Variants in TMEM87A observed in about 807,000 individuals in gnomAD.
TMEM87A encodes the protein Golgi-pH regulating cation channel.
TMEM87A carries 50 observed loss-of-function variants against 90.0 expected under a neutral mutation model. That is an observed-to-expected ratio of 0.56 (90% confidence interval 0.44 to 0.70). The LOEUF (loss-of-function observed/expected upper bound fraction) is 0.70, where lower values mean the gene tolerates loss of function less well. Ranked by LOEUF, TMEM87A falls within the 30% of genes least tolerant of loss-of-function variation. The pLI is 0.00. For missense variants in TMEM87A, 577 were observed against 660.5 expected (o/e 0.87, Z 1.39); for synonymous variants, 226 against 226.7 (o/e 1.00, Z 0.03).
intron 12 of TMEM87A, 114 bp from the exon 13 acceptor site, chr15:42,228,934 AG>A: frequency 1.6e-6 from 1 of 641,928 alleles, no homozygotes; most frequent in Non-Finnish European, 2.7e-6. Flanking sequence ...GATCTCTCAG[AG>A]GCCTTATAGC....
At chr15:42,254,682 T>C (rs1566937385) in intron 6 of TMEM87A, among the ~76,000 whole-genome samples, 1 of 152,120 alleles carries the variant, frequency 6.6e-6, no homozygotes, top group Non-Finnish European at 1.5e-5. Context: ...AAAAGATCAA[T>C]GATTGCCAGG....
chr15:42,241,513 C>A (rs1255900072), intron 7 of TMEM87A, among the ~76,000 whole-genome samples: 1 of 152,104 alleles, frequency 6.6e-6, no homozygotes, highest in Non-Finnish European at 1.5e-5. Context: ...TGACATAAGG[C>A]AGCAAAAGGT....
rs1371694052 is a variant in TMEM87A at position 42,210,472 on chromosome 15, A to T, written c.*1236T>A. 6.6e-6 allele frequency: 1 copy of T among 152,220 alleles called. No individual in the cohort carries two copies. The highest frequency in any genetic ancestry group is 1.5e-5 in the Non-Finnish European group (1 of 68,032). 9.4% of individuals were successfully genotyped at this position (152,220 alleles called of 1,614,324 possible). ...TAAAAGCCATAGAAAGAAATTTTTC[A>T]TGAGTTTGACAGAAAGAGTCTTTAG... On this transcript the variant is annotated 3_prime_UTR_variant, in exon 20 of 20. Transcript: ENST00000389834.
At chr15:42,243,955 T>A in intron 7 of TMEM87A, 95 bp downstream of exon 7, 2 of 652,850 alleles carry the variant, frequency 3.1e-6, no homozygotes, top group East Asian at 6.1e-5. Flanking sequence ...AATAGAAATC[T>A]GATACCTGTA....
intron 15 of TMEM87A, among the ~76,000 whole-genome samples, chr15:42,221,128 G>C (rs2050473235): frequency 6.6e-6 from 1 of 152,134 alleles, no homozygotes; most frequent in South Asian, 2.1e-4. Flanking sequence ...ACCGCGCCTG[G>C]CCGAAAACAA....
In TMEM87A at chr15:42,231,903, G is replaced by C. The variant is rs1454195006; in HGVS notation, c.1063-643C>G. 5 of 1,277,084 alleles carry C rather than the reference G, an allele frequency of 3.9e-6. No homozygotes were observed. The African/African-American group carries it at 7.6e-5, about 20-fold the overall frequency. The allele number at this position is 1,277,084 out of a possible 1,614,324, so 79.1% of individuals were successfully genotyped here. Reference sequence around the variant, plus strand: ...GCCAGGTTTACTATCAGAGTCAAGGGATAAGAAAAATACTATAGCAACAGC... The same window carrying C: ...GCCAGGTTTACTATCAGAGTCAAGGCATAAGAAAAATACTATAGCAACAGC... On this transcript the variant is annotated intron_variant, in intron 11 of 19. Coordinates refer to ENST00000389834, the MANE Select transcript of TMEM87A (RefSeq NM_015497.5).
chr15:42,235,133 G>A (rs1054920954), intron 10 of TMEM87A, among the ~76,000 whole-genome samples: 2 of 152,142 alleles, frequency 1.3e-5, no homozygotes, highest in Non-Finnish European at 2.9e-5. Context: ...CCGCCTCCAG[G>A]GTTCAAGCGA....
At chr15:42,258,622 T>C in intron 6 of TMEM87A, 1 of 709,514 alleles carries the variant, frequency 1.4e-6, no homozygotes, top group Non-Finnish European at 1.8e-6. Context: ...AGACAAAGTT[T>C]CACCACATTG....
chr15:42,222,838 G>A (rs2050518306), intron 15 of TMEM87A, among the ~76,000 whole-genome samples: 1 of 152,168 alleles, frequency 6.6e-6, no homozygotes, highest in Non-Finnish European at 1.5e-5. Context: ...GGGATTACAG[G>A]CATGAGCCAT....
chr15:42,261,134 G>A (rs1390378447), intron 5 of TMEM87A, 62 bp downstream of exon 5: 39 of 1,573,804 alleles, frequency 2.5e-5, no homozygotes, highest in Non-Finnish European at 3.4e-5. Context: ...GTGAGCACGG[G>A]TATCTCCTGC....
chr15:42,224,596 T>C (rs539433955), intron 15 of TMEM87A: 3 of 152,350 alleles, frequency 2.0e-5, no homozygotes, highest in Admixed American at 2.0e-4. Flanking sequence ...TGAGGCCTTC[T>C]AGTAAATCAC....
chr15:42,244,597 T>C (rs1404428812), intron 6 of TMEM87A, among the ~76,000 whole-genome samples: 7 of 151,114 alleles, frequency 4.6e-5, no homozygotes, highest in Non-Finnish European at 1.0e-4. Flanking sequence ...CTAAATCTAA[T>C]CCCTTTGTTC....
intron 3 of TMEM87A, among the ~76,000 whole-genome samples, chr15:42,264,683 G>GTATATATATATATATATATATA (rs1555409716): frequency 2.6e-5 from 3 of 116,382 alleles, no homozygotes; most frequent in African/African-American, 6.0e-5. Context: ...ATATGTGTGT[G>GTATATATATATATATATATATA]TATATATATA....
intron 6 of TMEM87A, among the ~76,000 whole-genome samples, chr15:42,254,961 CTCCTT>C (rs1223637981): frequency 9.4e-6 from 1 of 106,648 alleles, no homozygotes; most frequent in Non-Finnish European, 1.9e-5. Context: ...TGTGGGAGGT[CTCCTT>C]TTTTTTTTTT....
At chr15:42,255,458 T>C (rs117676129) in intron 6 of TMEM87A, among the ~76,000 whole-genome samples, 2 of 151,916 alleles carry the variant, frequency 1.3e-5, no homozygotes, top group South Asian at 4.2e-4. Context: ...AGAGATAGTG[T>C]CTCTAATGTT....
rs377209095 is a variant in TMEM87A, at chr15:42,237,414, G to T, written c.868+18C>A. 1.2e-6 allele frequency: 2 copies of T among 1,611,736 alleles called. No homozygotes were observed. The highest frequency in any genetic ancestry group is 1.3e-5 in the African/African-American group (1 of 74,852). ...CCTTCCAACCACTCGAACTGGCAAA[G>T]ATTTTCTGGTTACTTACCAGATTCT... On this transcript the variant is annotated intron_variant, in intron 9 of 19. Coordinates refer to ENST00000389834, the MANE Select transcript of TMEM87A (RefSeq NM_015497.5).
At chr15:42,212,313 A>C (rs982503150) in intron 19 of TMEM87A, among the ~76,000 whole-genome samples, 16 of 151,894 alleles carry the variant, frequency 1.1e-4, no homozygotes, top group Non-Finnish European at 2.1e-4. Flanking sequence ...TTTATACCTT[A>C]GAGTTAATTT....
At chr15:42,237,327 G>A (rs955857892) in intron 9 of TMEM87A, 105 bp downstream of exon 9, 1 of 1,063,960 alleles carries the variant, frequency 9.4e-7, no homozygotes, top group Non-Finnish European at 1.3e-6. Flanking sequence ...TAATAATTAA[G>A]TAATTGAAAA....
intron 1 of TMEM87A, chr15:42,272,621 G>A (rs2051561830): frequency 3.7e-6 from 1 of 273,002 alleles, no homozygotes; most frequent in South Asian, 3.5e-5. Context: ...AATGGGTAAG[G>A]GGCAGAAAGG....
Sources: gnomAD v4.1 joint callset for allele counts (sites outside exome capture counted in the v4.1 genomes callset) on GRCh38, gnomAD v4.1.1 for gene constraint, MANE v1.5 for transcripts, NCBI Gene and HGNC (gene_info 2026-07-23, HGNC 2026-07-21) for gene names.